DNAH6: variants seen among roughly 807,000 people sequenced by gnomAD.
DNAH6 encodes the protein axonemal beta dynein heavy chain 6.
A neutral mutation model predicts 491.4 loss-of-function variants in DNAH6; 340 were observed. The ratio of observed to expected loss-of-function variants is 0.69; its 90% CI spans 0.63 to 0.76. The LOEUF is 0.76. DNAH6 is among the 30% of genes least tolerant of loss of function. The pLI, the probability that DNAH6 is intolerant of heterozygous loss-of-function variation, is 0.00. For missense variants in DNAH6, 4,443 were observed against 4,972.2 expected, an observed-to-expected ratio of 0.89 and a Z score of 3.20; for synonymous variants, 1,603 against 1,686.1, an observed-to-expected ratio of 0.95 and a Z score of 1.21.
chr2:84,733,728 A>G (rs1355038761), intron 62 of DNAH6, 149 bp downstream of exon 62: 1 of 842,934 alleles, frequency 1.2e-6, no homozygotes, highest in Non-Finnish European at 1.7e-6. Flanking sequence ...ATTTGTTTTC[A>G]CAATTTCTTG....
the DNAH6 span, among the ~76,000 whole-genome samples, chr2:84,508,038 T>G: frequency 6.6e-6 from 1 of 152,190 alleles, no homozygotes; most frequent in East Asian, 1.9e-4. Flanking sequence ...CTTTTTTGGT[T>G]GTGTCTCTGC....
In DNAH6 at chr2:84,604,330, G is replaced by A. The variant is rs978096418; in HGVS notation, c.2869-9G>A. ...AAGCTTCATGTCTCTGAGAGTGTTTGTTTTTCAGCTTCCAGTTATCATTGA... is the reference window on the plus strand; with the variant it reads ...AAGCTTCATGTCTCTGAGAGTGTTTATTTTTCAGCTTCCAGTTATCATTGA... On this transcript the variant is annotated splice_polypyrimidine_tract_variant and intron_variant, in intron 18 of 76. Transcript: ENST00000389394. The A allele has an allele frequency of 5.2e-6, 8 of 1,549,306 alleles. No homozygotes were observed. The highest frequency in any genetic ancestry group is 2.7e-5 in the African/African-American group (2 of 72,962).
intron 62 of DNAH6, among the ~76,000 whole-genome samples, chr2:84,738,376 C>A (rs567972222): frequency 6.6e-6 from 1 of 151,824 alleles, no homozygotes; most frequent in Non-Finnish European, 1.5e-5. Flanking sequence ...ATGGTCATGT[C>A]GAATTTATGT....
At chr2:84,663,772 A>G (rs550558573) in intron 37 of DNAH6, among the ~76,000 whole-genome samples, 2 of 152,310 alleles carry the variant, frequency 1.3e-5, no homozygotes, top group African/African-American at 4.8e-5. Flanking sequence ...CCTTGTGAAG[A>G]GCAACTCCAA....
chr2:84,611,806 A>T lies in DNAH6; in HGVS notation c.3427A>T (p.Arg1143Ter). 2.6e-6 allele frequency: 4 copies of T among 1,551,184 alleles called. No individual in the cohort carries two copies. In the South Asian group the frequency reaches 4.8e-5, roughly 18 times the overall value. The change falls in exon 22 of 77, where the codon AGA becomes TGA. Residue 1143 changes from arginine (R) to a stop codon, truncating the protein, a stop_gained. Transcript: ENST00000389394. LOFTEE classifies it high-confidence loss of function. ...GGATAAGTCATGGAAAGAAATCATG[A>T]GAAAGGTGAATCGGCTGCCTAATGC... is the stretch of plus-strand genomic sequence containing the variant. Reference protein sequence around the residue: ...QVDKSWKEIMRKVNRLPNALR... With the variant: ...QVDKSWKEIM
chr2:84,564,442 A>C (rs1429913858), intron 11 of DNAH6, among the ~76,000 whole-genome samples: 2 of 152,092 alleles, frequency 1.3e-5, no homozygotes, highest in East Asian at 3.9e-4. Flanking sequence ...TTTTGTGCGT[A>C]TGTGGCTATC....
chr2:84,678,165 G>A (rs948188608), intron 41 of DNAH6, among the ~76,000 whole-genome samples: 3 of 152,180 alleles, frequency 2.0e-5, no homozygotes, highest in Non-Finnish European at 4.4e-5. Context: ...ATAAATTGAA[G>A]TAGTTCCAAT....
chr2:84,570,963 C>T (rs563035404), intron 11 of DNAH6, among the ~76,000 whole-genome samples: 13 of 152,262 alleles, frequency 8.5e-5, no homozygotes, highest in Non-Finnish European at 1.2e-4. Context: ...GACACACCAT[C>T]TTTAAGAGCT....
In DNAH6 at chr2:84,604,393, G is replaced by A. The variant is rs1260328318; in HGVS notation, c.2923G>A (p.Ala975Thr). ...NPTLKARHWA[A>T]IEQTVDATLV... The stretch of plus-strand genomic sequence containing the variant: ...GACTTTGAAGGCAAGACATTGGGCA[G>A]CTATTGAACAAACAGTTGATGCCAC... The change falls in exon 19 of 77, where the codon GCT (alanine) becomes ACT (threonine). Residue 975 changes from alanine to threonine, a missense_variant. Ala to Thr is a moderately conservative substitution (Grantham distance 58). Coordinates refer to ENST00000389394, the MANE Select transcript of DNAH6 (RefSeq NM_001370.2). 4.5e-6 allele frequency: 7 copies of A among 1,552,086 alleles called. No individual in the cohort carries two copies. The East Asian group carries it at 1.2e-4, about 27-fold the overall frequency.
At chr2:84,474,461 C>T in the DNAH6 span, among the ~76,000 whole-genome samples, 53 of 152,300 alleles carry the variant, frequency 3.5e-4, no homozygotes, top group African/African-American at 9.1e-4. Context: ...CACCCCAATC[C>T]GGTCCAATCT....
At chr2:84,708,387 G>A (rs138325268) in intron 54 of DNAH6, among the ~76,000 whole-genome samples, 2,378 of 149,164 alleles carry the variant, frequency 0.016, 71 homozygotes, top group South Asian at 0.12. Context: ...GGAGGTTGCC[G>A]TGAGTGGAGA....
chr2:84,728,451 C>T (rs1698843329), intron 61 of DNAH6, among the ~76,000 whole-genome samples: 1 of 152,216 alleles, frequency 6.6e-6, no homozygotes, highest in Non-Finnish European at 1.5e-5. Context: ...CTGCCTCCAA[C>T]TAACTGTGTA....
the DNAH6 span, among the ~76,000 whole-genome samples, chr2:84,509,505 T>C: frequency 2.0e-5 from 3 of 152,226 alleles, no homozygotes; most frequent in African/African-American, 4.8e-5. Context: ...TACAGCACAC[T>C]GATGGGTCTT....
chr2:84,528,708 A>G (rs1461181155), intron 3 of DNAH6, among the ~76,000 whole-genome samples, 196 bp from the exon 4 acceptor site: 1 of 152,176 alleles, frequency 6.6e-6, no homozygotes, highest in African/African-American at 2.4e-5. Context: ...AAGGATGCGT[A>G]TCTGGATAGG....
intron 64 of DNAH6, among the ~76,000 whole-genome samples, chr2:84,764,423 A>G (rs1321799487): frequency 6.6e-6 from 1 of 152,210 alleles, no homozygotes; most frequent in African/African-American, 2.4e-5. Context: ...AATTAAAACC[A>G]TGAAAAGATG....
intron 33 of DNAH6, among the ~76,000 whole-genome samples, chr2:84,649,726 A>G (rs1690236799): frequency 6.6e-6 from 1 of 152,084 alleles, no homozygotes. Context: ...GAATGAGATC[A>G]TGTTCCTTTT....
Position 84,549,915 on chromosome 2 carries a change from T to C in DNAH6, c.1343T>C (p.Ile448Thr). Residue 448 changes from isoleucine to threonine, a missense_variant, in exon 9 of 77, where the codon ATT (isoleucine) becomes ACT (threonine). Around this residue, in one of 3 missense-constraint regions of DNAH6, gnomAD observed 2,977 missense variants for 3,296.6 expected, o/e 0.90. Transcript: ENST00000389394. The stretch of plus-strand genomic sequence containing the variant: ...TTTATTCGTCTAAACGACTATCTAA[T>C]TGAGAACACAATGCACATCTTAACG... ...TCFIRLNDYL[I>T]ENTMHILTVN... The C allele has an allele frequency of 6.2e-7, 1 of 1,611,846 alleles. No homozygotes were observed. Among genetic ancestry groups the C allele is most frequent in the Non-Finnish European group, 8.5e-7 (1 of 1,179,108 alleles).
intron 11 of DNAH6, among the ~76,000 whole-genome samples, chr2:84,560,399 C>A (rs1573020031): frequency 6.6e-6 from 1 of 151,144 alleles, no homozygotes. Flanking sequence ...TTTTATCTAG[C>A]CAACCTAGTC....
chr2:84,715,718 C>G (rs563942012), intron 58 of DNAH6, 91 bp downstream of exon 58: 1 of 1,263,724 alleles, frequency 7.9e-7, no homozygotes, highest in African/African-American at 1.5e-5. Flanking sequence ...CAATGTTCTG[C>G]TGTGTAAGAG....
Sources: allele counts gnomAD v4.1 joint callset (sites outside exome capture counted in the v4.1 genomes callset), GRCh38; gene constraint gnomAD v4.1.1; regional missense constraint gnomAD v4.1.1; transcripts MANE v1.5; gene names NCBI Gene and HGNC (gene_info 2026-07-23, HGNC 2026-07-21).